The following PAX5 variants were observed in gnomAD, a reference collection of about 807,000 sequenced individuals.
The protein encoded by PAX5 is paired box protein Pax-5.
A neutral mutation model predicts 43.7 loss-of-function variants in PAX5; 9 were observed. The observed-to-expected ratio is 0.21, with a 90% CI of 0.12 to 0.36. PAX5 has a LOEUF of 0.36. Ranked by LOEUF, PAX5 falls within the 10% of genes least tolerant of loss-of-function variation. The pLI, the probability that PAX5 is intolerant of heterozygous loss-of-function variation, is 1.00. For synonymous variants in PAX5, 228 were observed against 214.3 expected (o/e 1.06, Z -0.56); for missense variants, 383 against 532.7 (o/e 0.72, Z 2.77).
At chr9:36,911,954 T>C (rs1264475497) in intron 7 of PAX5, among the ~76,000 whole-genome samples, 1 of 152,178 alleles carries the variant, frequency 6.6e-6, no homozygotes, top group African/African-American at 2.4e-5. Flanking sequence ...CATGCAGTGT[T>C]TACTGTTTCC....
intron 7 of PAX5, among the ~76,000 whole-genome samples, chr9:36,904,964 A>G (rs1386763496): frequency 6.6e-6 from 1 of 152,246 alleles, no homozygotes; most frequent in African/African-American, 2.4e-5. Context: ...GGACACAAAG[A>G]ATTATAAATC....
chr9:36,867,960 T>C (rs896377436), intron 8 of PAX5, among the ~76,000 whole-genome samples: 10 of 152,012 alleles, frequency 6.6e-5, no homozygotes, highest in Admixed American at 3.9e-4. Flanking sequence ...CTGGTTGGGC[T>C]CCCCTTGCCT....
chr9:37,027,121 G>T lies in PAX5; in HGVS notation c.47-6320C>A, dbSNP rs985490191. 2.3e-4 allele frequency among the ~76,000 whole-genome samples: 35 copies of T among 152,292 alleles called. 1 individual carries two copies. Among genetic ancestry groups the T allele is most frequent in the African/African-American group, 8.4e-4 (35 of 41,556 alleles). Reference sequence around the variant, plus strand: ...TTTCTCTGCTTCTCCGAGTCTCTGGGGCTCGGACTTGCCCCCTCCGCCTCT... The same window carrying T: ...TTTCTCTGCTTCTCCGAGTCTCTGGTGCTCGGACTTGCCCCCTCCGCCTCT... On this transcript the variant is annotated intron_variant, in intron 1 of 9. Transcript: ENST00000358127.
intron 5 of PAX5, among the ~76,000 whole-genome samples, chr9:36,985,651 T>G (rs1433025665): frequency 3.9e-5 from 6 of 152,122 alleles, no homozygotes; most frequent in Non-Finnish European, 5.9e-5. Context: ...AGAAGAGCTT[T>G]CTGAGGCCGG....
intron 8 of PAX5, among the ~76,000 whole-genome samples, chr9:36,857,092 C>T (rs928608597): frequency 1.3e-5 from 2 of 152,200 alleles, no homozygotes; most frequent in African/African-American, 4.8e-5. Context: ...ACTAGGTTCT[C>T]GTGTGTCTAG....
intron 1 of PAX5, among the ~76,000 whole-genome samples, chr9:37,021,133 T>C (rs1839812619): frequency 1.3e-5 from 2 of 152,208 alleles, no homozygotes; most frequent in African/African-American, 2.4e-5. Context: ...TATTATGTGA[T>C]GCTGAGGTCT....
chr9:36,869,349 T>A (rs1447464730), intron 8 of PAX5, among the ~76,000 whole-genome samples: 2 of 152,172 alleles, frequency 1.3e-5, no homozygotes, highest in Non-Finnish European at 2.9e-5. Flanking sequence ...CCCTCCTCAC[T>A]CCACCTCCCA....
chr9:37,024,031 A>G (rs1564088566), intron 1 of PAX5, among the ~76,000 whole-genome samples: 1 of 152,200 alleles, frequency 6.6e-6, no homozygotes. Flanking sequence ...CCTTTGTCAG[A>G]TGGTCAGGGA....
In PAX5 at chr9:36,941,473, A is replaced by G. The variant is rs77290424; in HGVS notation, c.781-17989T>C. On this transcript the variant is annotated intron_variant, in intron 6 of 9. Transcript: ENST00000358127. ...CCTATGCACCCATGCATCACCCAGTATGCCGGGCGTGAATCTCCTGTCCTG... is the reference window on the plus strand; with the variant it reads ...CCTATGCACCCATGCATCACCCAGTGTGCCGGGCGTGAATCTCCTGTCCTG... 4.8e-4 allele frequency among the ~76,000 whole-genome samples: 73 copies of G among 152,306 alleles called. No individual in the cohort carries two copies. In the East Asian group the frequency reaches 0.013, roughly 27 times the overall value.
At position 36,903,135 on chromosome 9, in the gene PAX5, G is replaced by A. The variant is rs758319263; in HGVS notation, c.910+20220C>T. 5.5e-4 allele frequency among the ~76,000 whole-genome samples: 83 copies of A among 152,220 alleles called. 1 individual carries two copies. The highest frequency in any genetic ancestry group is 4.4e-4 in the Non-Finnish European group (30 of 68,042). On this transcript the variant is annotated intron_variant, in intron 7 of 9. Coordinates refer to ENST00000358127, the MANE Select transcript of PAX5 (RefSeq NM_016734.3). ...AGGTGTGAAGAACTGGGGACTTCACGACTTGTTCCTGAAGAGAACCAGACC... is the reference window on the plus strand; with the variant it reads ...AGGTGTGAAGAACTGGGGACTTCACAACTTGTTCCTGAAGAGAACCAGACC...
intron 2 of PAX5, among the ~76,000 whole-genome samples, chr9:37,016,272 A>G (rs1273590634): frequency 2.6e-5 from 4 of 152,250 alleles, no homozygotes; most frequent in Admixed American, 2.6e-4. Flanking sequence ...GTCCCCTGAA[A>G]TGCAACTTAT....
chr9:36,993,973 G>A (rs1837158119), intron 5 of PAX5, among the ~76,000 whole-genome samples: 1 of 152,184 alleles, frequency 6.6e-6, no homozygotes, highest in Admixed American at 6.5e-5. Context: ...CAAACCAGGT[G>A]CACAAACAGA....
At chr9:37,032,333 C>T in intron 1 of PAX5, among the ~76,000 whole-genome samples, 1 of 152,340 alleles carries the variant, frequency 6.6e-6, no homozygotes, top group South Asian at 2.1e-4. Flanking sequence ...CTCTCCATGA[C>T]ACTCACACAT....
intron 5 of PAX5, 73 bp from the exon 6 acceptor site, chr9:36,966,797 G>A (rs533945481): frequency 7.0e-7 from 1 of 1,420,410 alleles, no homozygotes; most frequent in African/African-American, 1.4e-5. Context: ...GTCAGACCCT[G>A]AGACTATGAA....
chr9:36,963,789 G>A (rs1834173081), intron 6 of PAX5, among the ~76,000 whole-genome samples: 1 of 152,080 alleles, frequency 6.6e-6, no homozygotes, highest in Admixed American at 6.6e-5. Flanking sequence ...TGTGAATAAG[G>A]GGTTCACAGA....
In PAX5 at chr9:36,837,515, C is replaced by T. The variant is rs556157564; in HGVS notation, c.*3045G>A. On this transcript the variant is annotated 3_prime_UTR_variant, in exon 10 of 10. Coordinates refer to ENST00000358127, the MANE Select transcript of PAX5 (RefSeq NM_016734.3). ...TTCTGCCACGATGCTGGTGAGGCCC[C>T]GGACTTGTGTTTTCCATTCAGAATT... 2.8e-4 allele frequency: 65 copies of T among 233,290 alleles called. No homozygotes were observed. Among genetic ancestry groups the T allele is most frequent in the African/African-American group, 1.1e-3 (52 of 45,468 alleles). 14.5% of individuals were successfully genotyped at this position (233,290 alleles called of 1,614,324 possible).
rs562717336 is a variant in PAX5, at chr9:36,938,628, G to A, written c.781-15144C>T. 2.0e-5 allele frequency among the ~76,000 whole-genome samples: 3 copies of A among 152,194 alleles called. No individual in the cohort carries two copies. In the East Asian group the frequency reaches 5.8e-4, roughly 29 times the overall value. ...CTGCCCAATTGCCCTGGAAAACCCTGGAATATTTCATTTTTATTTCCAGGA... is the reference window on the plus strand; with the variant it reads ...CTGCCCAATTGCCCTGGAAAACCCTAGAATATTTCATTTTTATTTCCAGGA... On this transcript the variant is annotated intron_variant, in intron 6 of 9. Coordinates refer to ENST00000358127, the MANE Select transcript of PAX5 (RefSeq NM_016734.3).
chr9:36,867,226 G>A (rs1269903268), intron 8 of PAX5, among the ~76,000 whole-genome samples: 1 of 152,168 alleles, frequency 6.6e-6, no homozygotes, highest in Non-Finnish European at 1.5e-5. Context: ...AAGGTCCAGT[G>A]CAAAGTTGTA....
In PAX5 at chr9:36,858,335, A is replaced by G. The variant is rs182819703; in HGVS notation, c.1013-11406T>C. Among the ~76,000 whole-genome samples, 3 of 152,222 alleles carry G rather than the reference A, an allele frequency of 2.0e-5. No homozygotes were observed. The East Asian group carries it at 5.8e-4, about 29-fold the overall frequency. ...TTTCAACAAATGCCTAAAATTCTTG[A>G]TTGTAAGGAAAGCCTCAAACTAGGA... is the stretch of plus-strand genomic sequence containing the variant. On this transcript the variant is annotated intron_variant, in intron 8 of 9. Transcript: ENST00000358127.
Sources: allele counts gnomAD v4.1 joint callset (sites outside exome capture counted in the v4.1 genomes callset), GRCh38; gene constraint gnomAD v4.1.1; transcripts MANE v1.5; gene names NCBI Gene and HGNC (gene_info 2026-07-23, HGNC 2026-07-21).